Variants in ZHX2 observed in about 807,000 individuals in gnomAD.
ZHX2 encodes zinc fingers and homeoboxes protein 2.
A neutral mutation model predicts 21.9 loss-of-function variants in ZHX2; 6 were observed. That is an observed-to-expected ratio of 0.27 (90% confidence interval 0.15 to 0.54). The LOEUF is 0.54. Among genes scored for constraint, ZHX2 ranks in the 20% least tolerant of loss-of-function variants. ZHX2 has a pLI of 0.95. For missense variants in ZHX2, 908 were observed against 1,090.7 expected (o/e 0.83, Z 2.36); for synonymous variants, 434 against 437.1 (o/e 0.99, Z 0.09).
rs17310219 is a variant in ZHX2, at chr8:122,931,250, A to G, written c.-219-20042A>G. On this transcript the variant is annotated intron_variant, in intron 2 of 3. Coordinates refer to ENST00000314393, the MANE Select transcript of ZHX2 (RefSeq NM_014943.5). ...TCCACGCCTGGCGCCTCCAGGAGCC[A>G]CGAGTATTATGCAGGGCTCGTACAC... 6.0e-3 allele frequency among the ~76,000 whole-genome samples: 916 copies of G among 152,310 alleles called. 7 individuals are homozygous for G. The highest frequency in any genetic ancestry group is 0.034 in the Middle Eastern group (10 of 294).
rs757706360 is a variant in ZHX2 at position 122,941,916 on chromosome 8, G to A, written c.-219-9376G>A. ...ATTTTTACAAAGCACTCCAGGTGAC[G>A]TGTGATGGTTTGGGAGCCACATTAT... is the stretch of plus-strand genomic sequence containing the variant. On this transcript the variant is annotated intron_variant, in intron 2 of 3. Coordinates refer to ENST00000314393, the MANE Select transcript of ZHX2 (RefSeq NM_014943.5). 3.7e-4 allele frequency among the ~76,000 whole-genome samples: 56 copies of A among 152,218 alleles called. 1 individual carries two copies. The highest frequency in any genetic ancestry group is 2.4e-4 in the Non-Finnish European group (16 of 68,042).
chr8:122,790,703 G>A (rs1381981945), intron 1 of ZHX2, among the ~76,000 whole-genome samples: 5 of 152,174 alleles, frequency 3.3e-5, no homozygotes, highest in African/African-American at 1.2e-4. Context: ...CGCCTCCTGG[G>A]TTCAAGCAAT....
chr8:122,801,746 C>T (rs1228324903), intron 1 of ZHX2, among the ~76,000 whole-genome samples: 1 of 152,130 alleles, frequency 6.6e-6, no homozygotes, highest in Non-Finnish European at 1.5e-5. Flanking sequence ...AGTGAGACCT[C>T]ATCTCCAAAA....
At chr8:122,799,484 T>C (rs1760150412) in intron 1 of ZHX2, among the ~76,000 whole-genome samples, 1 of 152,086 alleles carries the variant, frequency 6.6e-6, no homozygotes, top group Non-Finnish European at 1.5e-5. Flanking sequence ...GAAATGAAAA[T>C]GGGGGAGATA....
intron 1 of ZHX2, among the ~76,000 whole-genome samples, chr8:122,818,211 C>T (rs369771781): frequency 5.9e-5 from 9 of 151,800 alleles, no homozygotes; most frequent in African/African-American, 1.9e-4. Flanking sequence ...GATTTACAGT[C>T]GGACTGGGTT....
At chr8:122,857,239 T>G (rs935813408) in intron 1 of ZHX2, among the ~76,000 whole-genome samples, 1 of 152,096 alleles carries the variant, frequency 6.6e-6, no homozygotes, top group African/African-American at 2.4e-5. Context: ...AGGCCAGGGT[T>G]CACCTAATCT....
intron 1 of ZHX2, among the ~76,000 whole-genome samples, chr8:122,860,377 C>T (rs1326039452): frequency 6.6e-6 from 1 of 152,300 alleles, no homozygotes; most frequent in Non-Finnish European, 1.5e-5. Flanking sequence ...ATTATGCAAG[C>T]ATTTCTGCTA....
chr8:122,812,659 T>A (rs1016334375), intron 1 of ZHX2, among the ~76,000 whole-genome samples: 2 of 152,192 alleles, frequency 1.3e-5, no homozygotes, highest in African/African-American at 2.4e-5. Flanking sequence ...CCAGATCTTC[T>A]ATGTTAACTA....
rs530975924 is a variant in ZHX2 at position 122,820,294 on chromosome 8, C to T, written c.-283+38348C>T. Among the ~76,000 whole-genome samples the T allele has an allele frequency of 2.0e-5, 3 of 152,288 alleles. No individual in the cohort carries two copies. In the East Asian group the frequency reaches 5.8e-4, roughly 30 times the overall value. On this transcript the variant is annotated intron_variant, in intron 1 of 3. Coordinates refer to ENST00000314393, the MANE Select transcript of ZHX2 (RefSeq NM_014943.5). Reference sequence around the variant, plus strand: ...CAGGGAGGAGCAGAGCTGGCCCTGCCTTTCTGACTGGCCAGGCTGCCTTGG... The same window carrying T: ...CAGGGAGGAGCAGAGCTGGCCCTGCTTTTCTGACTGGCCAGGCTGCCTTGG...
chr8:122,879,162 T>A (rs1489497094), intron 2 of ZHX2, among the ~76,000 whole-genome samples: 1 of 152,156 alleles, frequency 6.6e-6, no homozygotes, highest in East Asian at 1.9e-4. Context: ...TGCCTAGAAA[T>A]GGAGGTCAAA....
intron 1 of ZHX2, among the ~76,000 whole-genome samples, chr8:122,844,821 C>G (rs1285284785): frequency 6.6e-6 from 1 of 152,214 alleles, no homozygotes; most frequent in African/African-American, 2.4e-5. Flanking sequence ...GAGAATCACA[C>G]TCTTTTGCAC....
At chr8:122,944,236 G>A (rs913506698) in intron 2 of ZHX2, among the ~76,000 whole-genome samples, 1 of 152,192 alleles carries the variant, frequency 6.6e-6, no homozygotes, top group Non-Finnish European at 1.5e-5. Context: ...GACCTTAGGT[G>A]AGACATTTAC....
At chr8:122,840,899 G>A (rs1818608923) in intron 1 of ZHX2, among the ~76,000 whole-genome samples, 1 of 152,264 alleles carries the variant, frequency 6.6e-6, no homozygotes, top group East Asian at 1.9e-4. Context: ...GGGCAGAGTG[G>A]GAGGAAAAGC....
At chr8:122,955,839 A>ATTTTTTTTTTT (rs540333833) in intron 3 of ZHX2, among the ~76,000 whole-genome samples, 1 of 104,924 alleles carries the variant, frequency 9.5e-6, no homozygotes, top group Admixed American at 1.0e-4. Flanking sequence ...TGAGGGAGTG[A>ATTTTTTTTTTT]TTTTTTTTTT....
chr8:122,868,128 C>G (rs1012235854), intron 2 of ZHX2, among the ~76,000 whole-genome samples: 2 of 152,114 alleles, frequency 1.3e-5, no homozygotes, highest in African/African-American at 2.4e-5. Flanking sequence ...TACGGTGATT[C>G]GGCTATTCCA....
At chr8:122,945,709 T>C (rs1392530016) in intron 2 of ZHX2, among the ~76,000 whole-genome samples, 1 of 152,188 alleles carries the variant, frequency 6.6e-6, no homozygotes, top group African/African-American at 2.4e-5. Context: ...ACACAGAGAA[T>C]AGCTGTCTTA....
chr8:122,898,733 T>G (rs1366529797), intron 2 of ZHX2, among the ~76,000 whole-genome samples: 2 of 152,260 alleles, frequency 1.3e-5, no homozygotes, highest in African/African-American at 4.8e-5. Context: ...TCATTAAAGC[T>G]TCACAATAAT....
chr8:122,875,929 A>G (rs1819561103), intron 2 of ZHX2, among the ~76,000 whole-genome samples: 1 of 152,236 alleles, frequency 6.6e-6, no homozygotes, highest in Admixed American at 6.5e-5. Flanking sequence ...TTCCACTGTA[A>G]AAGGGCAACT....
rs528224846 is a variant in ZHX2 at position 122,970,822 on chromosome 8, C to T, written c.*5-2420C>T. ...GCCAACCCAGGGAGTGCATGTGGCT[C>T]TGCCTGGGATCAGCAATAAGGCTCG... On this transcript the variant is annotated intron_variant, in intron 3 of 3. Coordinates refer to ENST00000314393, the MANE Select transcript of ZHX2 (RefSeq NM_014943.5). Among the ~76,000 whole-genome samples, 26 of 152,330 alleles carry T rather than the reference C, an allele frequency of 1.7e-4. 1 individual carries two copies. The Middle Eastern group carries it at 0.01, about 60-fold the overall frequency.
Sources: allele counts gnomAD v4.1 joint callset (sites outside exome capture counted in the v4.1 genomes callset), GRCh38; gene constraint gnomAD v4.1.1; transcripts MANE v1.5; gene names NCBI Gene and HGNC (gene_info 2026-07-23, HGNC 2026-07-21).